The following ENTPD1 variants were observed in gnomAD, a reference collection of about 807,000 sequenced individuals.
ENTPD1 encodes the protein ectonucleoside triphosphate diphosphohydrolase 1, also known as ATP diphosphohydrolase.
Under a neutral mutation model 57.0 loss-of-function variants are expected in ENTPD1, and 33 were observed. The observed-to-expected ratio is 0.58, with a 90% confidence interval of 0.44 to 0.77. ENTPD1 has a LOEUF of 0.77. Ranked by LOEUF, ENTPD1 falls within the 30% of genes least tolerant of loss-of-function variation. ENTPD1 has a pLI of 0.00. For missense variants in ENTPD1, 501 were observed against 603.4 expected (o/e 0.83, Z 1.78); for synonymous variants, 202 against 218.8 (o/e 0.92, Z 0.68).
intron 1 of ENTPD1, among the ~76,000 whole-genome samples, chr10:95,716,636 C>T (rs2097971877): frequency 6.6e-6 from 1 of 151,986 alleles, no homozygotes; most frequent in South Asian, 2.1e-4. Flanking sequence ...TGCTTGCTTG[C>T]CACTGTCATG....
chr10:95,750,890 G>C (rs2098011066), upstream of ENTPD1, among the ~76,000 whole-genome samples: 1 of 152,174 alleles, frequency 6.6e-6, no homozygotes, highest in East Asian at 1.9e-4. Context: ...GGCCATGGTG[G>C]CACGCACCTC....
At position 95,868,658 on chromosome 10, in the gene ENTPD1, G is replaced by A. The variant is rs2098476988; in HGVS notation, c.*2275G>A. 48 of 980,986 alleles carry A rather than the reference G, an allele frequency of 4.9e-5. No individual in the cohort carries two copies. Among genetic ancestry groups the A allele is most frequent in the Non-Finnish European group, 5.3e-5 (44 of 826,036 alleles). The allele number at this position is 980,986 out of a possible 1,614,324, so 60.8% of individuals were successfully genotyped here. ...TAAATAGTATTTCCATTTTACAAAT[G>A]AGGATCACACAAACTACTACATGGC... On this transcript the variant is annotated 3_prime_UTR_variant, in exon 10 of 10. Transcript: ENST00000371205.
At chr10:95,711,157 T>C (rs1309918432), upstream of ENTPD1, among the ~76,000 whole-genome samples, 1 of 152,164 alleles carries the variant, frequency 6.6e-6, no homozygotes, top group East Asian at 1.9e-4. Context: ...TTTAACTTTC[T>C]CTTTCTCCCA....
At chr10:95,694,201 C>T in the ENTPD1 span, 1 of 402,710 alleles carries the variant, frequency 2.5e-6, no homozygotes, top group Non-Finnish European at 4.5e-6. Flanking sequence ...AGGAGTTCGG[C>T]GGACCGAGAG....
intron 2 of ENTPD1, among the ~76,000 whole-genome samples, chr10:95,838,299 T>C (rs1190862680): frequency 1.3e-5 from 2 of 152,188 alleles, no homozygotes; most frequent in African/African-American, 4.8e-5. Flanking sequence ...AGCAGTTTAC[T>C]CCTGGATAGA....
At chr10:95,809,209 C>T (rs1233291966) in intron 1 of ENTPD1, among the ~76,000 whole-genome samples, 2 of 152,212 alleles carry the variant, frequency 1.3e-5, no homozygotes, top group South Asian at 2.1e-4. Context: ...CCATCGTCAT[C>T]ATGGCCCGTT....
At chr10:95,809,202 T>C (rs1032534968) in intron 1 of ENTPD1, among the ~76,000 whole-genome samples, 2 of 152,180 alleles carry the variant, frequency 1.3e-5, no homozygotes, top group African/African-American at 4.8e-5. Flanking sequence ...AAAACCACCA[T>C]CGTCATCATG....
intron 1 of ENTPD1, among the ~76,000 whole-genome samples, chr10:95,750,592 C>G (rs1465624782): frequency 6.6e-6 from 1 of 152,154 alleles, no homozygotes; most frequent in African/African-American, 2.4e-5. Flanking sequence ...ATAAATTACC[C>G]AGTCTCAGGT....
At chr10:95,851,878 C>A (rs61869605) in intron 7 of ENTPD1, among the ~76,000 whole-genome samples, 1 of 151,986 alleles carries the variant, frequency 6.6e-6, no homozygotes, top group African/African-American at 2.4e-5. Flanking sequence ...TGAATAGTGC[C>A]GCAGTAAACA....
At chr10:95,710,305 T>A (rs1323510840), upstream of ENTPD1, among the ~76,000 whole-genome samples, 1 of 152,136 alleles carries the variant, frequency 6.6e-6, no homozygotes, top group African/African-American at 2.4e-5. Context: ...CTCAGGAGGC[T>A]GATGCAGGAG....
rs1043239394 is a variant in ENTPD1 at position 95,803,475 on chromosome 10, T to C, written c.17-19762T>C. Among the ~76,000 whole-genome samples, 4 of 152,386 alleles carry C rather than the reference T, an allele frequency of 2.6e-5. No individual in the cohort carries two copies. In the East Asian group the frequency reaches 7.7e-4, roughly 29 times the overall value. On this transcript the variant is annotated intron_variant, in intron 1 of 9. Transcript: ENST00000371205. ...GATGACCAGTGATGATGAGCATTTTTTAATGTGTCTGTTGGCTGCATAGAT... is the reference window on the plus strand; with the variant it reads ...GATGACCAGTGATGATGAGCATTTTCTAATGTGTCTGTTGGCTGCATAGAT...
intron 1 of ENTPD1, among the ~76,000 whole-genome samples, chr10:95,767,139 C>T (rs1424457499): frequency 6.6e-6 from 1 of 150,878 alleles, no homozygotes; most frequent in East Asian, 1.9e-4. Context: ...ATGGTGAAAC[C>T]CCATCTCTAC....
intron 1 of ENTPD1, among the ~76,000 whole-genome samples, chr10:95,746,363 G>T (rs2098006091): frequency 6.6e-6 from 1 of 152,016 alleles, no homozygotes; most frequent in Non-Finnish European, 1.5e-5. Context: ...GGATACATTG[G>T]GGTTCAGAAG....
chr10:95,846,209 A>G (rs1275991996), intron 6 of ENTPD1: 3 of 153,300 alleles, frequency 2.0e-5, no homozygotes, highest in Admixed American at 6.5e-5. Context: ...CTCTACTAAA[A>G]ATACAAAAAA....
At chr10:95,764,743 G>A (rs537608107) in intron 1 of ENTPD1, among the ~76,000 whole-genome samples, 1,771 of 134,672 alleles carry the variant, frequency 0.013, 21 homozygotes, top group Non-Finnish European at 0.019. Context: ...TTTTTTTGAG[G>A]TGGAGTTTTG....
intron 1 of ENTPD1, among the ~76,000 whole-genome samples, chr10:95,807,773 T>C (rs2098279292): frequency 6.6e-6 from 1 of 152,178 alleles, no homozygotes. Context: ...GATTTTGTAT[T>C]CTGAGACTTT....
chr10:95,842,610 G>C (rs2098424870), intron 4 of ENTPD1, 116 bp downstream of exon 4: 2 of 1,160,698 alleles, frequency 1.7e-6, no homozygotes, highest in Admixed American at 2.5e-5. Context: ...ACACACCCAA[G>C]TCCATACTTA....
intron 1 of ENTPD1, among the ~76,000 whole-genome samples, chr10:95,783,218 C>T (rs2140199764): frequency 6.6e-6 from 1 of 152,232 alleles, no homozygotes; most frequent in East Asian, 1.9e-4. Flanking sequence ...AATTTGGAAG[C>T]TCCCTAATTC....
At chr10:95,842,976 C>T (rs1288185407) in intron 4 of ENTPD1, among the ~76,000 whole-genome samples, 1 of 152,178 alleles carries the variant, frequency 6.6e-6, no homozygotes, top group Non-Finnish European at 1.5e-5. Context: ...GAAAACTCAA[C>T]CCTCAAGGAA....
Sources: gnomAD v4.1 joint callset for allele counts (sites outside exome capture counted in the v4.1 genomes callset) on GRCh38, gnomAD v4.1.1 for gene constraint, MANE v1.5 for transcripts, NCBI Gene and HGNC (gene_info 2026-07-23, HGNC 2026-07-21) for gene names.